Variants in C12orf54 observed in about 807,000 individuals in gnomAD.
C12orf54 encodes uncharacterized protein C12orf54.
A neutral mutation model predicts 26.4 loss-of-function variants in C12orf54; 24 were observed. The observed-to-expected ratio is 0.91, with a 90% CI of 0.66 to 1.28. The LOEUF (loss-of-function observed/expected upper bound fraction) is 1.28. C12orf54 is among the 50% of genes most tolerant of loss of function. The pLI, the probability that C12orf54 is intolerant of heterozygous loss-of-function variation, is 0.00. For missense variants in C12orf54, 154 were observed against 150.9 expected, an observed-to-expected ratio of 1.02 and a Z score of -0.11; for synonymous variants, 54 against 47.0, an observed-to-expected ratio of 1.15 and a Z score of -0.61.
At chr12:48,488,258 G>A in intron 4 of C12orf54, 1 of 629,266 alleles carries the variant, frequency 1.6e-6, no homozygotes, top group Non-Finnish European at 3.0e-6. Flanking sequence ...GCAGGCCTCG[G>A]CCTAAAGGTC....
rs1356877318 is a variant in C12orf54 at position 48,486,159 on chromosome 12, T to C, written c.66-19T>C. 6.2e-7 allele frequency: 1 copy of C among 1,604,624 alleles called. No homozygotes were observed. The highest frequency in any genetic ancestry group is 1.1e-5 in the South Asian group (1 of 90,918). ...CATTCTGTGCTCCTCATCAGGTTTA[T>C]ATCATTCTTTCTTTGCAGCACATCC... On this transcript the variant is annotated intron_variant, in intron 2 of 8. Transcript: ENST00000548364.
intron 5 of C12orf54, among the ~76,000 whole-genome samples, chr12:48,489,779 T>C (rs1937745642): frequency 6.7e-6 from 1 of 150,242 alleles, no homozygotes; most frequent in Admixed American, 6.7e-5. Context: ...TAGAGTGTAG[T>C]AGCACGATCT....
the C12orf54 span, among the ~76,000 whole-genome samples, chr12:48,455,453 A>G: frequency 3.9e-5 from 6 of 152,138 alleles, no homozygotes; most frequent in Admixed American, 3.9e-4. Flanking sequence ...TTGACTGCCA[A>G]TTTTAAGCAG....
chr12:48,466,190 T>A, the C12orf54 span, among the ~76,000 whole-genome samples: 1 of 152,180 alleles, frequency 6.6e-6, no homozygotes, highest in East Asian at 1.9e-4. Context: ...TCTATTATTA[T>A]AATACAAGAA....
the C12orf54 span, among the ~76,000 whole-genome samples, chr12:48,445,264 G>A: frequency 3.3e-5 from 5 of 151,940 alleles, no homozygotes; most frequent in African/African-American, 9.7e-5. Flanking sequence ...GCTGCTCACC[G>A]AGAACAGACC....
At chr12:48,487,511 G>A (rs2137089730) in intron 4 of C12orf54, among the ~76,000 whole-genome samples, 1 of 152,276 alleles carries the variant, frequency 6.6e-6, no homozygotes, top group African/African-American at 2.4e-5. Context: ...TAATTACAAT[G>A]CTGAACAGTA....
rs201755764 is a variant in C12orf54, at chr12:48,486,705, C to T, written c.114C>T (p.Ile38=). ...TTCTACAGGAAAAACAGGTAACCATCACTGAAACCCTGTGGGACCAGGTGA... is the reference window on the plus strand; with the variant it reads ...TTCTACAGGAAAAACAGGTAACCATTACTGAAACCCTGTGGGACCAGGTGA... ...TMRPQEKQVT[I]TETLWDQVLT... Residue 38 remains isoleucine (I), a synonymous_variant, in exon 4 of 9, where the codon ATC becomes ATT. Transcript: ENST00000548364. The T allele has an allele frequency of 1.1e-5, 18 of 1,613,352 alleles. No individual in the cohort carries two copies. In the Middle Eastern group the frequency reaches 8.3e-4, roughly 74 times the overall value.
At chr12:48,447,212 C>CTGTGTGTATGTGTGTG in the C12orf54 span, among the ~76,000 whole-genome samples, 193 of 91,068 alleles carry the variant, frequency 2.1e-3, 4 homozygotes, top group African/African-American at 5.2e-3. Flanking sequence ...CTCTCTTACT[C>CTGTGTGTATGTGTGTG]TGTGTGTGTG....
At chr12:48,473,358 G>C in the C12orf54 span, 10 of 1,125,090 alleles carry the variant, frequency 8.9e-6, no homozygotes, top group South Asian at 1.3e-4. Context: ...TGGTGAAGAA[G>C]AAAGGGGTCA....
At chr12:48,451,196 T>G in the C12orf54 span, among the ~76,000 whole-genome samples, 1 of 152,084 alleles carries the variant, frequency 6.6e-6, no homozygotes, top group Non-Finnish European at 1.5e-5. Context: ...AATCAGTAAA[T>G]GTGATTCATC....
At chr12:48,441,666 G>A in the C12orf54 span, among the ~76,000 whole-genome samples, 1 of 152,198 alleles carries the variant, frequency 6.6e-6, no homozygotes, top group East Asian at 1.9e-4. Context: ...TTAGAGGAAT[G>A]GTAGAGATAA....
the C12orf54 span, among the ~76,000 whole-genome samples, chr12:48,419,775 C>T: frequency 3.3e-5 from 5 of 152,084 alleles, no homozygotes; most frequent in Non-Finnish European, 7.4e-5. Flanking sequence ...GAGAGAGCCT[C>T]GAGGTACTCT....
chr12:48,433,807 C>G, the C12orf54 span, among the ~76,000 whole-genome samples: 16 of 152,270 alleles, frequency 1.1e-4, no homozygotes, highest in East Asian at 7.7e-4. Context: ...CAAATAGGAA[C>G]AGCTCCAGCC....
chr12:48,444,535 T>C, the C12orf54 span, among the ~76,000 whole-genome samples: 121 of 152,338 alleles, frequency 7.9e-4, 2 homozygotes, highest in African/African-American at 2.6e-3. Flanking sequence ...AGTTGGAAAT[T>C]CTAGCCTGTC....
chr12:48,440,224 CAA>C, the C12orf54 span, among the ~76,000 whole-genome samples: 1 of 124,952 alleles, frequency 8.0e-6, no homozygotes, highest in African/African-American at 3.0e-5. Context: ...GACTCCATCT[CAA>C]AAAAAAAAAA....
At chr12:48,480,488 C>A (rs558801134), upstream of C12orf54, among the ~76,000 whole-genome samples, 3 of 152,248 alleles carry the variant, frequency 2.0e-5, no homozygotes, top group African/African-American at 4.8e-5. Flanking sequence ...AAATGTGCAA[C>A]ATCACTAATT....
At chr12:48,448,831 A>C in the C12orf54 span, among the ~76,000 whole-genome samples, 1 of 152,246 alleles carries the variant, frequency 6.6e-6, no homozygotes, top group African/African-American at 2.4e-5. Context: ...ACCATGGCCC[A>C]TGACACAGCC....
At chr12:48,489,223 T>C (rs771556009) in intron 5 of C12orf54, 11 of 642,900 alleles carry the variant, frequency 1.7e-5, no homozygotes, top group South Asian at 1.7e-4. Flanking sequence ...ATACTCTATG[T>C]GGTTGTATGA....
At chr12:48,445,198 T>C in the C12orf54 span, among the ~76,000 whole-genome samples, 6 of 151,758 alleles carry the variant, frequency 4.0e-5, no homozygotes, top group Non-Finnish European at 2.9e-5. Flanking sequence ...AATACATTGA[T>C]GAACGGATGA....
Sources: allele counts gnomAD v4.1 joint callset (sites outside exome capture counted in the v4.1 genomes callset), GRCh38; gene constraint gnomAD v4.1.1; transcripts MANE v1.5; gene names NCBI Gene and HGNC (gene_info 2026-07-23, HGNC 2026-07-21).